The following GPBP1L1 variants were observed in gnomAD, a reference collection of about 807,000 sequenced individuals.
The protein encoded by GPBP1L1 is GC-rich promoter binding protein 1 like 1, also known as vasculin-like protein 1.
GPBP1L1 carries 23 observed loss-of-function variants against 52.5 expected under a neutral mutation model. That is an observed-to-expected ratio of 0.44 (90% CI 0.32 to 0.62). The LOEUF (loss-of-function observed/expected upper bound fraction) is 0.62. GPBP1L1 is among the 20% of genes least tolerant of loss of function. The pLI is 0.06. For missense variants in GPBP1L1, 596 were observed against 579.3 expected, an observed-to-expected ratio of 1.03 and a Z score of -0.30; for synonymous variants, 243 against 203.1, an observed-to-expected ratio of 1.20 and a Z score of -1.67.
At chr1:45,677,212 T>C (rs1201809835) in intron 2 of GPBP1L1, among the ~76,000 whole-genome samples, 2 of 151,958 alleles carry the variant, frequency 1.3e-5, no homozygotes, top group African/African-American at 4.8e-5. Context: ...GGCGCATGCC[T>C]GTAGTCCCAG....
At chr1:45,651,257 C>A in intron 6 of GPBP1L1, 1 of 409,150 alleles carries the variant, frequency 2.4e-6, no homozygotes, top group Non-Finnish European at 4.8e-6. Context: ...GAGTAGACAT[C>A]CCACTCTTGA....
chr1:45,659,079 C>A lies in GPBP1L1; in HGVS notation c.9G>T (p.Gln3His). 1 of 1,614,130 alleles carries A rather than the reference C, an allele frequency of 6.2e-7. No homozygotes were observed. Among genetic ancestry groups the A allele is most frequent in the Non-Finnish European group, 8.5e-7 (1 of 1,179,982 alleles). MA[Q>H]HDFVPAWLNF... is the part of the protein sequence containing the mutation. Reference sequence around the variant, plus strand: ...TTAGCCAAGCAGGAACAAAATCATGCTGCGCCATTTAGGTCCAGTGTCTCC... The same window carrying A: ...TTAGCCAAGCAGGAACAAAATCATGATGCGCCATTTAGGTCCAGTGTCTCC... Residue 3 changes from glutamine (Q) to histidine (H), a missense_variant, in exon 4 of 13, where the codon CAG becomes CAT. Gln to His is a conservative substitution (Grantham distance 24). Transcript: ENST00000355105.
intron 2 of GPBP1L1, among the ~76,000 whole-genome samples, chr1:45,675,410 A>T (rs1437399895): frequency 6.6e-6 from 1 of 152,228 alleles, no homozygotes; most frequent in East Asian, 1.9e-4. Flanking sequence ...TACAAATGGG[A>T]CACACTTGGT....
chr1:45,653,509 T>C (rs894506493), intron 6 of GPBP1L1, among the ~76,000 whole-genome samples: 1 of 151,864 alleles, frequency 6.6e-6, no homozygotes, highest in African/African-American at 2.4e-5. Context: ...ACATGTGCCA[T>C]CATGCCCAGC....
At position 45,668,690 on chromosome 1, in the gene GPBP1L1, A is replaced by C. The variant is rs373973118; in HGVS notation, c.-1097-7465T>G. Among the ~76,000 whole-genome samples, 44 of 152,252 alleles carry C rather than the reference A, an allele frequency of 2.9e-4. 1 individual carries two copies. The East Asian group carries it at 3.3e-3, about 11-fold the overall frequency. On this transcript the variant is annotated intron_variant, in intron 2 of 12. Coordinates refer to ENST00000355105, the MANE Select transcript of GPBP1L1 (RefSeq NM_021639.5). The stretch of plus-strand genomic sequence containing the variant: ...AAACAAAACAAAAAAACCAAAACAG[A>C]ACACCTGCATCTACATATTAGGCTG...
upstream of GPBP1L1, among the ~76,000 whole-genome samples, chr1:45,686,814 C>T (rs976604753): frequency 7.2e-5 from 11 of 152,252 alleles, no homozygotes; most frequent in African/African-American, 2.4e-4. Context: ...GAATCCTCTG[C>T]CTTTCCTCGT....
At chr1:45,642,627 T>C (rs1006371228) in intron 6 of GPBP1L1, 128 bp from the exon 7 acceptor site, 13 of 682,184 alleles carry the variant, frequency 1.9e-5, no homozygotes, top group Non-Finnish European at 3.2e-5. Flanking sequence ...ACTTACTAAT[T>C]TGACACTGTA....
chr1:45,633,426 GA>G, intron 10 of GPBP1L1, 62 bp downstream of exon 10: 1 of 1,540,016 alleles, frequency 6.5e-7, no homozygotes, highest in Non-Finnish European at 8.9e-7. Flanking sequence ...TTAAGAAGAA[GA>G]AATCACGTAT....
intron 6 of GPBP1L1, among the ~76,000 whole-genome samples, chr1:45,647,600 T>C (rs4468203): frequency 0.54 from 81,633 of 152,028 alleles, 22,073 homozygotes; most frequent in Middle Eastern, 0.6. Flanking sequence ...TTCCTGTTCC[T>C]GTGTGTTTTT....
At chr1:45,629,454 T>TCTC in intron 12 of GPBP1L1, 122 bp downstream of exon 12, 13 of 115,384 alleles carry the variant, frequency 1.1e-4, no homozygotes, top group South Asian at 6.8e-4. Flanking sequence ...ACTAAGGTAA[T>TCTC]CCCCCCCCCC....
At chr1:45,687,102 C>CG (rs1278983035), upstream of GPBP1L1, 1 of 152,254 alleles carries the variant, frequency 6.6e-6, no homozygotes, top group Non-Finnish European at 1.5e-5. Context: ...CAGTCCCCAG[C>CG]GGGCCACACG....
At chr1:45,687,173 C>T (rs1470192956), upstream of GPBP1L1, 2 of 152,264 alleles carry the variant, frequency 1.3e-5, no homozygotes, top group Non-Finnish European at 2.9e-5. Flanking sequence ...GTAGTAGTTC[C>T]CCTGGAGCGC....
chr1:45,659,313 T>C (rs1467749332), intron 3 of GPBP1L1, among the ~76,000 whole-genome samples, 171 bp from the exon 4 acceptor site: 1 of 152,218 alleles, frequency 6.6e-6, no homozygotes, highest in Non-Finnish European at 1.5e-5. Context: ...ATAAAAGCAA[T>C]TTTTGTTAAA....
chr1:45,684,439 AAATG>A (rs1368398033), intron 2 of GPBP1L1, among the ~76,000 whole-genome samples: 3 of 152,048 alleles, frequency 2.0e-5, no homozygotes, highest in South Asian at 4.1e-4. Flanking sequence ...TCAAAATTAA[AAATG>A]AATTACAAGC....
At chr1:45,679,800 C>T (rs956361383) in intron 2 of GPBP1L1, among the ~76,000 whole-genome samples, 2 of 151,014 alleles carry the variant, frequency 1.3e-5, no homozygotes, top group African/African-American at 4.9e-5. Context: ...TGCCTGTAAT[C>T]CCATCATGTG....
At chr1:45,675,442 TTATCTC>T (rs1645127837) in intron 2 of GPBP1L1, among the ~76,000 whole-genome samples, 1 of 152,176 alleles carries the variant, frequency 6.6e-6, no homozygotes, top group South Asian at 2.1e-4. Context: ...GCAAAGGTGA[TTATCTC>T]TATCTTTTTA....
rs149707244 is a variant in GPBP1L1, at chr1:45,637,936, G to T, written c.744+2274C>A. ...TTATAGAAGAAGAAACTGAGACTGG[G>T]AAGTGAAGAAACTTGCTCAAGGACG... On this transcript the variant is annotated intron_variant, in intron 8 of 12. Coordinates refer to ENST00000355105, the MANE Select transcript of GPBP1L1 (RefSeq NM_021639.5). Among the ~76,000 whole-genome samples, 199 of 152,312 alleles carry T rather than the reference G, an allele frequency of 1.3e-3. 1 individual carries two copies. Among genetic ancestry groups the T allele is most frequent in the Admixed American group, 0.01 (158 of 15,292 alleles).
chr1:45,651,552 T>A (rs1203747632), intron 6 of GPBP1L1: 1 of 572,428 alleles, frequency 1.7e-6, no homozygotes, highest in African/African-American at 1.9e-5. Flanking sequence ...AGTAGCTGAG[T>A]AGCTGTTTGG....
intron 6 of GPBP1L1, among the ~76,000 whole-genome samples, chr1:45,644,747 CAT>C (rs1480434169): frequency 6.6e-6 from 1 of 152,162 alleles, no homozygotes; most frequent in Admixed American, 6.5e-5. Context: ...ACACAAATAA[CAT>C]GTGGTTGTGC....
Sources: allele counts gnomAD v4.1 joint callset (sites outside exome capture counted in the v4.1 genomes callset), GRCh38; gene constraint gnomAD v4.1.1; transcripts MANE v1.5; gene names NCBI Gene and HGNC (gene_info 2026-07-23, HGNC 2026-07-21).